ICA1L: variants seen among roughly 807,000 people sequenced by gnomAD.
ICA1L encodes the protein islet cell autoantigen 1-like protein.
ICA1L carries 50 observed loss-of-function variants against 61.3 expected under a neutral mutation model. The ratio of observed to expected loss-of-function variants is 0.82; its 90% CI spans 0.65 to 1.03. ICA1L has a LOEUF of 1.03. ICA1L is among the 50% of genes least tolerant of loss of function. The pLI is 0.00. For synonymous variants in ICA1L, 161 were observed against 191.3 expected (o/e 0.84, Z 1.31); for missense variants, 508 against 556.7 (o/e 0.91, Z 0.88).
chr2:202,830,415 T>A (rs529556553), intron 1 of ICA1L, among the ~76,000 whole-genome samples: 4 of 151,970 alleles, frequency 2.6e-5, no homozygotes, highest in East Asian at 1.9e-4. Flanking sequence ...TCAAAAAAAA[T>A]AAAAAATAAA....
chr2:202,840,807 CT>C, intron 1 of ICA1L: 1 of 608,054 alleles, frequency 1.6e-6, no homozygotes, highest in Non-Finnish European at 3.1e-6. Context: ...ACTCTCTGGC[CT>C]TTGAGGCCCT....
chr2:202,820,101 C>T (rs180975601), intron 4 of ICA1L: 24 of 537,090 alleles, frequency 4.5e-5, no homozygotes, highest in East Asian at 4.2e-4. Context: ...TGGCCGGGCG[C>T]GGTGGCTGAC....
In ICA1L at chr2:202,793,494, TAAAAAAAAAAA is replaced by T. The variant is rs755015399; in HGVS notation, c.985+3385_985+3395del. On this transcript the variant is annotated intron_variant, in intron 10 of 12. Coordinates refer to ENST00000358299, the MANE Select transcript of ICA1L (RefSeq NM_001288622.3). ...CAACATGGCAATATCCCGTCTCTACTAAAAAAAAAAAAAAAAAAAAAAAAAAAAAAAAAATT... is the reference window on the plus strand; with the variant it reads ...CAACATGGCAATATCCCGTCTCTACTAAAAAAAAAAAAAAAAAAAAAAATT... Among the ~76,000 whole-genome samples the T allele has an allele frequency of 3.0e-3, 94 of 31,358 alleles. 1 individual carries two copies. In the East Asian group the frequency reaches 0.033, roughly 11 times the overall value. The allele number at this position is 31,358 out of a possible 152,430, so 20.6% of individuals were successfully genotyped here.
intron 1 of ICA1L, among the ~76,000 whole-genome samples, chr2:202,856,381 CAT>C (rs1471641921): frequency 6.6e-6 from 1 of 152,278 alleles, no homozygotes; most frequent in East Asian, 1.9e-4. Context: ...ATAAAAACCA[CAT>C]GATTTATCTC....
chr2:202,839,803 C>T (rs1042455748), intron 1 of ICA1L, among the ~76,000 whole-genome samples: 5 of 151,536 alleles, frequency 3.3e-5, no homozygotes, highest in Non-Finnish European at 7.4e-5. Flanking sequence ...TGTGATTAGA[C>T]GATTTTTCTC....
At chr2:202,805,345 T>C (rs1461599967) in intron 9 of ICA1L, among the ~76,000 whole-genome samples, 2 of 152,234 alleles carry the variant, frequency 1.3e-5, no homozygotes, top group Non-Finnish European at 2.9e-5. Context: ...GTGAGTTTCA[T>C]AATACATAAA....
rs1180717876 is a variant in ICA1L at position 202,773,801 on chromosome 2, C to T, written c.*5732G>A. 1 of 1,395,314 alleles carries T rather than the reference C, an allele frequency of 7.2e-7. No homozygotes were observed. Among genetic ancestry groups the T allele is most frequent in the African/African-American group, 1.4e-5 (1 of 70,478 alleles). The allele number at this position is 1,395,314 out of a possible 1,614,324, so 86.4% of individuals were successfully genotyped here. On this transcript the variant is annotated 3_prime_UTR_variant, in exon 13 of 13. Transcript: ENST00000358299. ...ACACCGGTATGGTAATAGGCAAGAGCAGGCTGTAAAAGCAAAGGCTAGCTG... is the reference window on the plus strand; with the variant it reads ...ACACCGGTATGGTAATAGGCAAGAGTAGGCTGTAAAAGCAAAGGCTAGCTG...
chr2:202,790,938 T>C (rs890414045), intron 10 of ICA1L, among the ~76,000 whole-genome samples: 5 of 152,244 alleles, frequency 3.3e-5, no homozygotes, highest in African/African-American at 1.2e-4. Flanking sequence ...ATAAAACTGA[T>C]GGTTCCTAAT....
chr2:202,792,413 A>G (rs1692781201), intron 10 of ICA1L, among the ~76,000 whole-genome samples: 1 of 152,216 alleles, frequency 6.6e-6, no homozygotes, highest in Non-Finnish European at 1.5e-5. Context: ...TAGTAGTATA[A>G]TAGCCAAAAA....
In ICA1L at chr2:202,773,886, A is replaced by C; in HGVS notation, c.*5647T>G. 1 of 1,282,098 alleles carries C rather than the reference A, an allele frequency of 7.8e-7. No individual in the cohort carries two copies. Among genetic ancestry groups the C allele is most frequent in the South Asian group, 1.2e-5 (1 of 83,124 alleles). 79.4% of individuals were successfully genotyped at this position (1,282,098 alleles called of 1,614,324 possible). A position where few individuals can be genotyped will look rare whatever the true frequency, so the allele number is the denominator to read the frequency against. On this transcript the variant is annotated 3_prime_UTR_variant, in exon 13 of 13. Coordinates refer to ENST00000358299, the MANE Select transcript of ICA1L (RefSeq NM_001288622.3). Reference sequence around the variant, plus strand: ...AGAGGCTGAGTGGAACAGTCCTGCTAAATAAACCAGTGGAATAAGAACAGT... The same window carrying C: ...AGAGGCTGAGTGGAACAGTCCTGCTCAATAAACCAGTGGAATAAGAACAGT...
In ICA1L at chr2:202,849,126, C is replaced by T. The variant is rs1272090681; in HGVS notation, c.-7-20110G>A. Among the ~76,000 whole-genome samples, 8 of 152,278 alleles carry T rather than the reference C, an allele frequency of 5.3e-5. No homozygotes were observed. In the East Asian group the frequency reaches 1.2e-3, roughly 22 times the overall value. ...TGCTTTTCTCACAGTTTTTGCAATC[C>T]GCAGACCAGAAGATTCCCACATGTG... On this transcript the variant is annotated intron_variant, in intron 1 of 12. Coordinates refer to ENST00000358299, the MANE Select transcript of ICA1L (RefSeq NM_001288622.3). This position sits in a 1 kb window ranked among gnomAD's most constrained non-coding sequence, Gnocchi z 4.5.
Position 202,843,263 on chromosome 2 carries a change from A to G in ICA1L, c.-7-14247T>C, listed in dbSNP as rs146685534. 3.0e-3 allele frequency among the ~76,000 whole-genome samples: 451 copies of G among 152,210 alleles called. 4 individuals carry two copies. The highest frequency in any genetic ancestry group is 0.01 in the African/African-American group (435 of 41,528). On this transcript the variant is annotated intron_variant, in intron 1 of 12. Coordinates refer to ENST00000358299, the MANE Select transcript of ICA1L (RefSeq NM_001288622.3). ...TTACCTTTTGTAGACTTTATGGGCT[A>G]GTTTCATTGTGGACTGACTTTCCTC...
intron 3 of ICA1L, among the ~76,000 whole-genome samples, chr2:202,824,188 G>A (rs899189580): frequency 6.6e-6 from 1 of 152,108 alleles, no homozygotes; most frequent in Non-Finnish European, 1.5e-5. Context: ...GGATCACGAG[G>A]ATAGGAGTTC....
chr2:202,863,432 T>C (rs1694974780), intron 1 of ICA1L, among the ~76,000 whole-genome samples: 1 of 151,186 alleles, frequency 6.6e-6, no homozygotes, highest in Admixed American at 6.6e-5. Flanking sequence ...AATAAGAAAA[T>C]TAAAGTTAAA....
rs767112287 is a variant in ICA1L, at chr2:202,825,780, A to G, written c.163-13T>C. 6.6e-6 allele frequency: 10 copies of G among 1,505,162 alleles called. No homozygotes were observed. The highest frequency in any genetic ancestry group is 9.0e-6 in the Non-Finnish European group (10 of 1,109,682). The allele number at this position is 1,505,162 out of a possible 1,614,324, so 93.2% of individuals were successfully genotyped here. On this transcript the variant is annotated splice_polypyrimidine_tract_variant and intron_variant, in intron 2 of 12. Transcript: ENST00000358299. The stretch of plus-strand genomic sequence containing the variant: ...CAGAGTGAAAAACCTTGAGATATAA[A>G]TTTTATTAGGACAATTTAAAGAACT...
At chr2:202,815,258 G>A (rs1343050906) in intron 7 of ICA1L, among the ~76,000 whole-genome samples, 2 of 152,210 alleles carry the variant, frequency 1.3e-5, no homozygotes, top group Non-Finnish European at 2.9e-5. Context: ...AAGATGCCAT[G>A]TCAGAACATG....
At chr2:202,840,367 C>A in intron 1 of ICA1L, 2 of 488,454 alleles carry the variant, frequency 4.1e-6, no homozygotes, top group Non-Finnish European at 4.0e-6. Flanking sequence ...CGGACACCAG[C>A]TTCCCATCGT....
intron 5 of ICA1L, among the ~76,000 whole-genome samples, chr2:202,818,761 G>A (rs1693614404): frequency 6.6e-6 from 1 of 152,106 alleles, no homozygotes; most frequent in Non-Finnish European, 1.5e-5. Flanking sequence ...TGATTGTGAG[G>A]CCTCCCCAGC....
At chr2:202,866,774 C>T (rs866217687) in intron 1 of ICA1L, among the ~76,000 whole-genome samples, 4 of 151,978 alleles carry the variant, frequency 2.6e-5, no homozygotes, top group Non-Finnish European at 5.9e-5. Context: ...GGTGAAACCC[C>T]GTCTCTATTA....
Sources: allele counts gnomAD v4.1 joint callset (sites outside exome capture counted in the v4.1 genomes callset), GRCh38; gene constraint gnomAD v4.1.1; non-coding constraint Gnocchi (gnomAD v3.1); transcripts MANE v1.5; gene names NCBI Gene and HGNC (gene_info 2026-07-23, HGNC 2026-07-21).